JARID2: variants seen among roughly 807,000 people sequenced by gnomAD.
JARID2 encodes protein Jumonji.
In JARID2, 21 loss-of-function variants were observed where a neutral mutation model predicts 125.6. The ratio of observed to expected loss-of-function variants is 0.17; its 90% confidence interval spans 0.12 to 0.24. The LOEUF (loss-of-function observed/expected upper bound fraction) is 0.24, where lower values mean the gene tolerates loss of function less well. JARID2 is among the 10% of genes least tolerant of loss of function. JARID2 has a pLI of 1.00. For synonymous variants in JARID2, 736 were observed against 661.6 expected, an observed-to-expected ratio of 1.11 and a Z score of -1.73; for missense variants, 1,303 against 1,639.6, an observed-to-expected ratio of 0.79 and a Z score of 3.55.
Position 15,294,335 on chromosome 6 carries a change from G to A in JARID2, c.45+47751G>A, listed in dbSNP as rs140657968. Among the ~76,000 whole-genome samples the A allele has an allele frequency of 2.6e-5, 4 of 152,266 alleles. No individual in the cohort carries two copies. The East Asian group carries it at 7.7e-4, about 29-fold the overall frequency. On this transcript the variant is annotated intron_variant, in intron 1 of 17. Coordinates refer to ENST00000341776, the MANE Select transcript of JARID2 (RefSeq NM_004973.4). Reference sequence around the variant, plus strand: ...AGCCTCCCGAGCAGCTGGGACTATAGGTGCGTGCCAGCACACCCGGCTAAT... The same window carrying A: ...AGCCTCCCGAGCAGCTGGGACTATAAGTGCGTGCCAGCACACCCGGCTAAT...
chr6:15,509,171 ACT>A (rs1402048515), intron 12 of JARID2: 9 of 1,281,762 alleles, frequency 7.0e-6, no homozygotes, highest in Admixed American at 2.3e-5. Context: ...TGTAATCCTG[ACT>A]CTCACTGCAC....
At chr6:15,517,128 C>T (rs754865184) in intron 16 of JARID2, 33 bp from the exon 17 acceptor site, 2 of 1,546,480 alleles carry the variant, frequency 1.3e-6, no homozygotes, top group Non-Finnish European at 1.8e-6. Context: ...GGAGCTGCCT[C>T]CTGACCTTCG....
At chr6:15,370,949 G>C (rs1226861987) in intron 1 of JARID2, among the ~76,000 whole-genome samples, 1 of 152,192 alleles carries the variant, frequency 6.6e-6, no homozygotes, top group Non-Finnish European at 1.5e-5. Context: ...TACTAGATTT[G>C]TGTCTTGCAT....
At chr6:15,402,843 G>GTA (rs1765491616) in intron 2 of JARID2, among the ~76,000 whole-genome samples, 1 of 152,156 alleles carries the variant, frequency 6.6e-6, no homozygotes, top group Non-Finnish European at 1.5e-5. Context: ...GGGTTGTCTG[G>GTA]TGGGTGTGTG....
At chr6:15,498,382 A>T (rs1770568149) in intron 7 of JARID2, among the ~76,000 whole-genome samples, 1 of 152,104 alleles carries the variant, frequency 6.6e-6, no homozygotes, top group African/African-American at 2.4e-5. Flanking sequence ...TTGCAGGCAG[A>T]TCCTCCTCTT....
chr6:15,459,983 T>C (rs1180089246), intron 4 of JARID2, among the ~76,000 whole-genome samples: 1 of 152,196 alleles, frequency 6.6e-6, no homozygotes, highest in African/African-American at 2.4e-5. Context: ...TACACAACTT[T>C]TTTTGAGGGT....
chr6:15,331,638 G>T (rs562801411), intron 1 of JARID2, among the ~76,000 whole-genome samples: 18 of 152,078 alleles, frequency 1.2e-4, no homozygotes, highest in Non-Finnish European at 2.6e-4. Context: ...GGCTGAGGCA[G>T]GCTGATCACC....
At chr6:15,361,913 T>TTC (rs1554127991) in intron 1 of JARID2, among the ~76,000 whole-genome samples, 19 of 132,746 alleles carry the variant, frequency 1.4e-4, no homozygotes, top group Non-Finnish European at 2.7e-4. Flanking sequence ...TTTTTTTTTT[T>TTC]CCCTGAGATG....
chr6:15,331,281 T>TC (rs1762698081), intron 1 of JARID2, among the ~76,000 whole-genome samples: 2 of 151,144 alleles, frequency 1.3e-5, no homozygotes, highest in Non-Finnish European at 2.9e-5. Context: ...CTATAATGAG[T>TC]CATGATTGCA....
chr6:15,495,025 TA>T (rs1440727881), intron 6 of JARID2, among the ~76,000 whole-genome samples: 2 of 152,180 alleles, frequency 1.3e-5, no homozygotes, highest in Non-Finnish European at 2.9e-5. Flanking sequence ...GTGGTGGTTA[TA>T]AAACCCTGAA....
In JARID2 at chr6:15,496,692, G is replaced by A; in HGVS notation, c.1467G>A (p.Val489=). Residue 489 remains valine (V), a synonymous_variant, in exon 7 of 18, where the codon GTG becomes GTA. Transcript: ENST00000341776. ...GLLNGHVKKE[V]PERSLERNRP... Reference sequence around the variant, plus strand: ...TGAACGGACACGTGAAGAAGGAAGTGCCGGAGCGCAGTCTGGAGAGGAATC... The same window carrying A: ...TGAACGGACACGTGAAGAAGGAAGTACCGGAGCGCAGTCTGGAGAGGAATC... 6.2e-7 allele frequency: 1 copy of A among 1,613,302 alleles called. No homozygotes were observed. Among genetic ancestry groups the A allele is most frequent in the Non-Finnish European group, 8.5e-7 (1 of 1,179,918 alleles).
chr6:15,501,191 G>A lies in JARID2; in HGVS notation c.2230G>A (p.Asp744Asn), dbSNP rs142763537. Residue 744 changes from aspartate (D) to asparagine (N), a missense_variant, in exon 8 of 18, where the codon GAC becomes AAC. This residue lies in a region of JARID2 where 124 missense variants were observed against 131.0 expected (regional missense o/e 0.95). Coordinates refer to ENST00000341776, the MANE Select transcript of JARID2 (RefSeq NM_004973.4). Reference protein sequence around the residue: ...KGPLEGHTENDHHKFHPLPRF... With the variant: ...KGPLEGHTENNHHKFHPLPRF... ...GCCGCTGGAAGGCCACACAGAGAAC[G>A]ACCACCACAAGTTCCACCCTCTGCC... is the stretch of plus-strand genomic sequence containing the variant. The A allele has an allele frequency of 2.6e-3, 4,221 of 1,614,074 alleles. 3 individuals carry two copies. The highest frequency in any genetic ancestry group is 3.1e-3 in the Non-Finnish European group (3,689 of 1,179,998).
intron 1 of JARID2, among the ~76,000 whole-genome samples, chr6:15,287,013 G>A (rs1178684437): frequency 1.3e-5 from 2 of 152,096 alleles, no homozygotes; most frequent in Non-Finnish European, 2.9e-5. Context: ...TACTCCGGAG[G>A]CTGAGGCAGG....
chr6:15,401,827 T>G (rs1765447377), intron 2 of JARID2, among the ~76,000 whole-genome samples: 1 of 152,266 alleles, frequency 6.6e-6, no homozygotes, highest in African/African-American at 2.4e-5. Context: ...TTCCATTCAT[T>G]ATATTTCAGT....
chr6:15,495,132 T>C (rs1398521475), intron 6 of JARID2, among the ~76,000 whole-genome samples: 1 of 152,210 alleles, frequency 6.6e-6, no homozygotes, highest in Admixed American at 6.5e-5. Context: ...GAAGACATCT[T>C]CTCGAAACCA....
chr6:15,324,900 T>A (rs1762487717), intron 1 of JARID2, among the ~76,000 whole-genome samples: 5 of 151,746 alleles, frequency 3.3e-5, no homozygotes, highest in Admixed American at 3.3e-4. Flanking sequence ...TTTTAAACTC[T>A]GAAAGCATTC....
chr6:15,518,556 A>G (rs912847442), intron 17 of JARID2, among the ~76,000 whole-genome samples: 4 of 152,014 alleles, frequency 2.6e-5, no homozygotes, highest in African/African-American at 9.7e-5. Context: ...ATCTCGGCCC[A>G]CTGCAAGCTC....
chr6:15,448,777 C>T (rs1767785472), intron 3 of JARID2, among the ~76,000 whole-genome samples: 1 of 152,090 alleles, frequency 6.6e-6, no homozygotes, highest in South Asian at 2.1e-4. Context: ...AGCCTTCCCT[C>T]CTCTGACACT....
At chr6:15,503,540 C>G (rs187011177) in intron 8 of JARID2, among the ~76,000 whole-genome samples, 289 of 152,276 alleles carry the variant, frequency 1.9e-3, no homozygotes, top group African/African-American at 6.8e-3. Context: ...CACCCTCCCC[C>G]ACTCTACATG....
Sources: gnomAD v4.1 joint callset for allele counts (sites outside exome capture counted in the v4.1 genomes callset) on GRCh38, gnomAD v4.1.1 for gene constraint, gnomAD v4.1.1 regional missense constraint, MANE v1.5 for transcripts, NCBI Gene and HGNC (gene_info 2026-07-23, HGNC 2026-07-21) for gene names.